Variants in RNF43 observed in about 807,000 individuals in gnomAD.
RNF43 encodes the protein E3 ubiquitin-protein ligase RNF43.
A neutral mutation model predicts 78.4 loss-of-function variants in RNF43; 37 were observed. The ratio of observed to expected loss-of-function variants is 0.47; its 90% confidence interval spans 0.36 to 0.62. The LOEUF (loss-of-function observed/expected upper bound fraction) is 0.62, where lower values mean the gene tolerates loss of function less well. Ranked by LOEUF, RNF43 falls within the 20% of genes least tolerant of loss-of-function variation. The probability of loss-of-function intolerance (pLI) is 0.00; values close to 1 mark genes in which losing one functional copy is unlikely to be tolerated. For synonymous variants in RNF43, 347 were observed against 395.0 expected, an observed-to-expected ratio of 0.88 and a Z score of 1.44; for missense variants, 774 against 1,007.9, an observed-to-expected ratio of 0.77 and a Z score of 3.14.
chr17:58,416,268 A>G (rs1279112927), intron 1 of RNF43: 1 of 152,566 alleles, frequency 6.6e-6, no homozygotes, highest in Non-Finnish European at 1.5e-5. Context: ...CTGCATTTAC[A>G]TACTTTTCAT....
At chr17:58,377,961 T>A (rs1354667304) in intron 2 of RNF43, among the ~76,000 whole-genome samples, 3 of 151,848 alleles carry the variant, frequency 2.0e-5, no homozygotes, top group African/African-American at 7.3e-5. Flanking sequence ...CCTGCAGATA[T>A]GGGGGTGGGA....
intron 1 of RNF43, chr17:58,416,260 G>A (rs968014963): frequency 6.6e-6 from 1 of 152,512 alleles, no homozygotes; most frequent in Admixed American, 6.5e-5. Flanking sequence ...TAGGCCCACT[G>A]CATTTACATA....
intron 1 of RNF43, 61 bp downstream of exon 1, chr17:58,416,956 C>A (rs1290171692): frequency 6.6e-6 from 1 of 152,168 alleles, no homozygotes; most frequent in Admixed American, 6.5e-5. Flanking sequence ...TATATGGATT[C>A]TTTTCTTTTG....
chr17:58,369,778 C>A (rs556784486), intron 3 of RNF43, among the ~76,000 whole-genome samples: 1 of 152,310 alleles, frequency 6.6e-6, no homozygotes, highest in Admixed American at 6.5e-5. Context: ...CCTACCTTTC[C>A]TGATTGTCCT....
At chr17:58,390,872 G>A (rs1358950965) in intron 2 of RNF43, among the ~76,000 whole-genome samples, 1 of 152,164 alleles carries the variant, frequency 6.6e-6, no homozygotes, top group African/African-American at 2.4e-5. Flanking sequence ...ACAGAATGAA[G>A]TTTCCCTGAT....
In RNF43 at chr17:58,360,955, G is replaced by A. The variant is rs765977510; in HGVS notation, c.688-11C>T. 1 of 1,549,136 alleles carries A rather than the reference G, an allele frequency of 6.5e-7. No individual in the cohort carries two copies. Among genetic ancestry groups the A allele is most frequent in the East Asian group, 2.3e-5 (1 of 42,580 alleles). On this transcript the variant is annotated splice_polypyrimidine_tract_variant and intron_variant, in intron 6 of 9. Transcript: ENST00000407977. This position sits in a 1 kb window ranked among gnomAD's most constrained non-coding sequence, Gnocchi z 4.3. Reference sequence around the variant, plus strand: ...CTGCTGAAGCGGATCCTGGGAAGAGGAATGGGGCTCAGATTGGGGCATGGG... The same window carrying A: ...CTGCTGAAGCGGATCCTGGGAAGAGAAATGGGGCTCAGATTGGGGCATGGG...
At chr17:58,396,375 A>G (rs1010168609) in intron 2 of RNF43, among the ~76,000 whole-genome samples, 18 of 152,226 alleles carry the variant, frequency 1.2e-4, no homozygotes, top group Non-Finnish European at 2.6e-4. Context: ...ACCATTTAAC[A>G]GGAAAAAAAC....
chr17:58,363,091 C>G lies in RNF43; in HGVS notation c.582+184G>C, dbSNP rs576870894. On this transcript the variant is annotated intron_variant, in intron 5 of 9. Transcript: ENST00000407977. ...ACTCATCTGTCCTGATCTGTTCATT[C>G]TGTAGGTGAGGCCCAAAGACGGGGG... 6.0e-6 allele frequency: 4 copies of G among 663,688 alleles called. No individual in the cohort carries two copies. The South Asian group carries it at 7.7e-5, about 13-fold the overall frequency. 41.1% of individuals were successfully genotyped at this position (663,688 alleles called of 1,614,324 possible). A position where few individuals can be genotyped will look rare whatever the true frequency, so the allele number is the denominator to read the frequency against.
intron 3 of RNF43, among the ~76,000 whole-genome samples, chr17:58,364,698 C>A (rs558768845): frequency 6.6e-6 from 1 of 152,344 alleles, no homozygotes; most frequent in Non-Finnish European, 1.5e-5. Context: ...CCCCCCCTCA[C>A]CCCCAAAGTC....
At position 58,357,629 on chromosome 17, in the gene RNF43, C is replaced by CTAA. The variant is rs1972716175; in HGVS notation, c.2146_2147insTTA (p.Gly716delinsValSer). On this transcript the variant is annotated protein_altering_variant, in exon 9 of 10. Coordinates refer to ENST00000407977, the MANE Select transcript of RNF43 (RefSeq NM_017763.6). The surrounding 1 kb of genome is among the most constrained non-coding windows in gnomAD (Gnocchi z 4.5). ...TGGCTGTGAATTTGAGTAACAGGGG[C>CTAA]CTGGGGTTTCTGGTAGCAGCCTCTT... 1 of 1,613,652 alleles carries CTAA rather than the reference C, an allele frequency of 6.2e-7. No homozygotes were observed. Among genetic ancestry groups the CTAA allele is most frequent in the Non-Finnish European group, 8.5e-7 (1 of 1,179,874 alleles).
rs1388157662 is a variant in RNF43, at chr17:58,354,120, CTT to C, written c.*821_*822del. The C allele has an allele frequency of 5.0e-6, 1 of 199,174 alleles. No homozygotes were observed. Among genetic ancestry groups the C allele is most frequent in the Non-Finnish European group, 1.0e-5 (1 of 96,148 alleles). The allele number at this position is 199,174 out of a possible 1,614,324, so 12.3% of individuals were successfully genotyped here. A position where few individuals can be genotyped will look rare whatever the true frequency, so the allele number is the denominator to read the frequency against. ...ACAAAACTTTTCCCAGAGAAGAACT[CTT>C]TGTTGTCCCCGCTCAGCTGTAATTC... On this transcript the variant is annotated 3_prime_UTR_variant, in exon 10 of 10. Transcript: ENST00000407977.
At chr17:58,412,751 T>C (rs1377685056) in intron 2 of RNF43, among the ~76,000 whole-genome samples, 2 of 151,750 alleles carry the variant, frequency 1.3e-5, no homozygotes, top group East Asian at 1.9e-4. Context: ...ATACACTGAA[T>C]TAATTGAGCA....
At chr17:58,413,643 G>C (rs2143688048) in intron 2 of RNF43, among the ~76,000 whole-genome samples, 1 of 152,206 alleles carries the variant, frequency 6.6e-6, no homozygotes, top group Non-Finnish European at 1.5e-5. Flanking sequence ...AAAAACGATA[G>C]AACAATAGAA....
chr17:58,408,284 GTA>G (rs1567897314), intron 2 of RNF43, among the ~76,000 whole-genome samples: 1 of 152,144 alleles, frequency 6.6e-6, no homozygotes, highest in African/African-American at 2.4e-5. Context: ...GCAAAATTGT[GTA>G]TGTTAAGTAT....
rs2143424799 is a variant in RNF43, at chr17:58,358,697, C to A, written c.1079G>T (p.Gly360Val). 1 of 1,541,840 alleles carries A rather than the reference C, an allele frequency of 6.5e-7. No homozygotes were observed. The highest frequency in any genetic ancestry group is 2.0e-5 in the Admixed American group (1 of 49,740). ...HYHLPAAYLL[G>V]PSRSAVARPP... is the part of the protein sequence containing the mutation. ...CCGAGCCACTGCACTCCGGGAAGGG[C>A]CCAACAGGTAGGCAGCAGGGAGGTG... The change falls in exon 9 of 10, where the codon GGC (glycine) becomes GTC (valine). Residue 360 changes from glycine (G) to valine (V), a missense_variant. By Grantham distance (109) the Gly-to-Val change is moderately radical. Coordinates refer to ENST00000407977, the MANE Select transcript of RNF43 (RefSeq NM_017763.6). The surrounding 1 kb of genome is among the most constrained non-coding windows in gnomAD (Gnocchi z 6.2).
In RNF43 at chr17:58,353,710, T is replaced by A. The variant is rs1401658505; in HGVS notation, c.*1233A>T. ...AAATATATTAGCAAATAAATATATT[T>A]CTTAACATAGTGCCTGATTCAAGCG... On this transcript the variant is annotated 3_prime_UTR_variant, in exon 10 of 10. Coordinates refer to ENST00000407977, the MANE Select transcript of RNF43 (RefSeq NM_017763.6). 1 of 211,190 alleles carries A rather than the reference T, an allele frequency of 4.7e-6. No homozygotes were observed. The highest frequency in any genetic ancestry group is 9.6e-6 in the Non-Finnish European group (1 of 103,754). The allele number at this position is 211,190 out of a possible 1,614,324, so 13.1% of individuals were successfully genotyped here. A position where few individuals can be genotyped will look rare whatever the true frequency, so the allele number is the denominator to read the frequency against.
At chr17:58,411,578 T>C (rs920289109) in intron 2 of RNF43, among the ~76,000 whole-genome samples, 2 of 152,110 alleles carry the variant, frequency 1.3e-5, no homozygotes, top group African/African-American at 4.8e-5. Flanking sequence ...GTCTGAAGAC[T>C]CAGGGGAATA....
intron 2 of RNF43, among the ~76,000 whole-genome samples, chr17:58,375,865 C>T (rs1973194787): frequency 6.6e-6 from 1 of 152,172 alleles, no homozygotes; most frequent in Non-Finnish European, 1.5e-5. Context: ...CTTCTATTTC[C>T]TTGCCTTAGG....
intron 6 of RNF43, among the ~76,000 whole-genome samples, chr17:58,362,078 T>A (rs1972844941): frequency 6.6e-6 from 1 of 151,402 alleles, no homozygotes; most frequent in Admixed American, 6.6e-5. Flanking sequence ...AGAGCAAGAC[T>A]CTGTCTCAAA....
Sources: gnomAD v4.1 joint callset for allele counts (sites outside exome capture counted in the v4.1 genomes callset) on GRCh38, gnomAD v4.1.1 for gene constraint, Gnocchi (gnomAD v3.1) non-coding constraint, MANE v1.5 for transcripts, NCBI Gene and HGNC (gene_info 2026-07-23, HGNC 2026-07-21) for gene names.